The following RBFOX1 variants were observed in gnomAD, a reference collection of about 807,000 sequenced individuals.
RBFOX1 encodes the protein RNA binding fox-1 homolog 1, also known as RNA binding protein fox-1 homolog 1.
A neutral mutation model predicts 57.7 loss-of-function variants in RBFOX1; 8 were observed. The observed-to-expected ratio is 0.14, with a 90% CI of 0.08 to 0.25. RBFOX1 has a LOEUF of 0.25. Ranked by LOEUF, RBFOX1 falls within the 10% of genes least tolerant of loss-of-function variation. RBFOX1 has a pLI of 1.00. For synonymous variants in RBFOX1, 326 were observed against 222.4 expected, an observed-to-expected ratio of 1.47 and a Z score of -4.15; for missense variants, 611 against 548.5, an observed-to-expected ratio of 1.11 and a Z score of -1.14.
chr16:5,989,447 T>G (rs2060348727), intron 4 of RBFOX1, among the ~76,000 whole-genome samples: 1 of 152,114 alleles, frequency 6.6e-6, no homozygotes, highest in South Asian at 2.1e-4. Context: ...TCAACAATGT[T>G]GAATGTGTAC....
intron 4 of RBFOX1, among the ~76,000 whole-genome samples, chr16:5,994,433 A>T (rs990064884): frequency 3.9e-5 from 6 of 152,176 alleles, no homozygotes; most frequent in African/African-American, 1.2e-4. Context: ...AAGTGCTGGG[A>T]TTACAAGCAT....
At chr16:6,793,408 A>G (rs2083343412) in intron 3 of RBFOX1, among the ~76,000 whole-genome samples, 1 of 152,124 alleles carries the variant, frequency 6.6e-6, no homozygotes, top group Non-Finnish European at 1.5e-5. Flanking sequence ...AGGGTGGGAC[A>G]TTCTTACCTG....
chr16:7,534,391 C>A (rs1166776622), intron 5 of RBFOX1, among the ~76,000 whole-genome samples: 4 of 152,062 alleles, frequency 2.6e-5, no homozygotes, highest in African/African-American at 9.7e-5. Context: ...CAGTGCACGG[C>A]CACCACAGCA....
chr16:6,845,848 C>G (rs1394926119), intron 3 of RBFOX1, among the ~76,000 whole-genome samples: 1 of 152,236 alleles, frequency 6.6e-6, no homozygotes, highest in South Asian at 2.1e-4. Context: ...GGGATAATCT[C>G]AGTCCCACTT....
intron 10 of RBFOX1, among the ~76,000 whole-genome samples, chr16:7,623,926 C>G (rs2059692856): frequency 6.6e-6 from 1 of 152,182 alleles, no homozygotes; most frequent in Non-Finnish European, 1.5e-5. Context: ...CTTTAAAGAT[C>G]TCTCTGCAAG....
intron 2 of RBFOX1, among the ~76,000 whole-genome samples, chr16:5,566,792 T>G (rs1234778105): frequency 6.6e-6 from 1 of 152,116 alleles, no homozygotes; most frequent in Non-Finnish European, 1.5e-5. Flanking sequence ...CATTCACAAA[T>G]GAGCCACGAG....
intron 2 of RBFOX1, among the ~76,000 whole-genome samples, chr16:6,538,762 T>C (rs984478759): frequency 6.6e-5 from 10 of 152,194 alleles, no homozygotes; most frequent in African/African-American, 2.2e-4. Context: ...TGTTGGTTGT[T>C]TTTTTTCATG....
intron 4 of RBFOX1, among the ~76,000 whole-genome samples, chr16:7,156,456 C>T (rs183266285): frequency 2.1e-4 from 32 of 152,004 alleles, no homozygotes; most frequent in Admixed American, 1.9e-3. Context: ...TATATGTGTA[C>T]ATATACATGC....
intron 2 of RBFOX1, among the ~76,000 whole-genome samples, chr16:5,520,237 C>T (rs2043960963): frequency 6.6e-6 from 1 of 152,108 alleles, no homozygotes; most frequent in Non-Finnish European, 1.5e-5. Flanking sequence ...CACTTAGGAT[C>T]TTGTAGGCTG....
At chr16:6,647,956 G>C (rs34804998) in intron 2 of RBFOX1, among the ~76,000 whole-genome samples, 48,065 of 151,940 alleles carry the variant, frequency 0.32, 9,226 homozygotes, top group African/African-American at 0.55. Flanking sequence ...ATTCTCGTGC[G>C]TCAGCCTCTC....
chr16:7,695,133 A>T (rs2078383515), intron 14 of RBFOX1, among the ~76,000 whole-genome samples: 1 of 152,188 alleles, frequency 6.6e-6, no homozygotes, highest in Non-Finnish European at 1.5e-5. Context: ...GCTATTGATC[A>T]CATTTCAGAT....
chr16:5,292,214 C>G (rs1269548949), intron 1 of RBFOX1, among the ~76,000 whole-genome samples: 2 of 152,192 alleles, frequency 1.3e-5, no homozygotes, highest in African/African-American at 4.8e-5. Context: ...TTGGTCTCAA[C>G]CCATTTCTGG....
At chr16:7,309,213 G>A (rs548685640) in intron 4 of RBFOX1, among the ~76,000 whole-genome samples, 3 of 152,238 alleles carry the variant, frequency 2.0e-5, no homozygotes, top group Admixed American at 6.5e-5. Flanking sequence ...GATCTTTTCC[G>A]ATTAAGAGAA....
chr16:5,441,573 C>T (rs551023506), intron 1 of RBFOX1, among the ~76,000 whole-genome samples: 1 of 152,182 alleles, frequency 6.6e-6, no homozygotes, highest in East Asian at 1.9e-4. Flanking sequence ...CCATGTTGGC[C>T]AGGCTGCTCT....
intron 5 of RBFOX1, among the ~76,000 whole-genome samples, chr16:7,572,843 G>A (rs368659224): frequency 2.0e-5 from 3 of 146,660 alleles, no homozygotes; most frequent in Admixed American, 6.9e-5. Context: ...TCTCTCAAAT[G>A]AATAAATAAA....
At chr16:6,728,376 G>C (rs57416213) in intron 3 of RBFOX1, among the ~76,000 whole-genome samples, 2 of 151,940 alleles carry the variant, frequency 1.3e-5, no homozygotes, top group Non-Finnish European at 2.9e-5. Context: ...ATGTCTTGTC[G>C]TTGTTTCTTC....
intron 4 of RBFOX1, among the ~76,000 whole-genome samples, chr16:7,157,915 G>T (rs1337726709): frequency 6.6e-6 from 1 of 152,206 alleles, no homozygotes; most frequent in African/African-American, 2.4e-5. Flanking sequence ...CTTCCGAGGA[G>T]CTGTGTTTGC....
At chr16:5,487,928 AATG>A (rs2151662320) in intron 2 of RBFOX1, among the ~76,000 whole-genome samples, 1 of 151,890 alleles carries the variant, frequency 6.6e-6, no homozygotes, top group South Asian at 2.1e-4. Context: ...TGGTGATGAT[AATG>A]ATAATTATGG....
intron 1 of RBFOX1, among the ~76,000 whole-genome samples, chr16:5,305,728 T>G (rs1397347903): frequency 6.6e-6 from 1 of 152,102 alleles, no homozygotes; most frequent in Non-Finnish European, 1.5e-5. Context: ...GGGCAGCCAT[T>G]TAAGGTTTTA....
Sources: gnomAD v4.1 joint callset for allele counts (sites outside exome capture counted in the v4.1 genomes callset) on GRCh38, gnomAD v4.1.1 for gene constraint, MANE v1.5 for transcripts, NCBI Gene and HGNC (gene_info 2026-07-23, HGNC 2026-07-21) for gene names.